Variants in ADIPOQ observed in about 807,000 individuals in gnomAD.
ADIPOQ encodes adiponectin, C1Q and collagen domain containing.
In ADIPOQ, 19 loss-of-function variants were observed where a neutral mutation model predicts 16.1. That is an observed-to-expected ratio of 1.18 (90% CI 0.82 to 1.73). The LOEUF (loss-of-function observed/expected upper bound fraction) is 1.73. Ranked by LOEUF, ADIPOQ falls within the 40% of genes most tolerant of loss-of-function variation. The pLI, the probability that ADIPOQ is intolerant of heterozygous loss-of-function variation, is 0.00. For synonymous variants in ADIPOQ, 124 were observed against 125.5 expected (o/e 0.99, Z 0.08); for missense variants, 323 against 308.3 (o/e 1.05, Z -0.36).
chr3:186,852,124 GA>G (rs1008228431), intron 1 of ADIPOQ: 5 of 152,326 alleles, frequency 3.3e-5, no homozygotes, highest in African/African-American at 9.7e-5. Context: ...AACAGCAAGG[GA>G]TAAGTCTGCC....
In ADIPOQ at chr3:186,854,256, G is replaced by C; in HGVS notation, c.287G>C (p.Gly96Ala). 1 of 1,613,798 alleles carries C rather than the reference G, an allele frequency of 6.2e-7. No homozygotes were observed. The highest frequency in any genetic ancestry group is 1.1e-5 in the South Asian group (1 of 91,082). ...GCTGAAGGTCCCCGAGGCTTTCCGG[G>C]AATCCAAGGCAGGAAAGGAGAACCT... ...PGAEGPRGFP[G>A]IQGRKGEPGE... Residue 96 changes from glycine to alanine, a missense_variant, in exon 3 of 3, where the codon GGA (glycine) becomes GCA (alanine). By Grantham distance (60) the Gly-to-Ala change is moderately conservative. Transcript: ENST00000320741.
At chr3:186,852,602 T>G in intron 1 of ADIPOQ, 1 of 178,968 alleles carries the variant, frequency 5.6e-6, no homozygotes. Context: ...ACACAGAAAA[T>G]GAGAGAGAAG....
At chr3:186,852,877 G>A (rs769801588) in intron 1 of ADIPOQ, 174 bp from the exon 2 acceptor site, 19 of 639,566 alleles carry the variant, frequency 3.0e-5, no homozygotes, top group Non-Finnish European at 4.7e-5. Flanking sequence ...AGGGCAGAAA[G>A]AGATCAAGGT....
At position 186,853,083 on chromosome 3, in the gene ADIPOQ, C is replaced by A; in HGVS notation, c.25C>A (p.Leu9Met). 6.2e-7 allele frequency: 1 copy of A among 1,614,072 alleles called. No individual in the cohort carries two copies. The highest frequency in any genetic ancestry group is 8.5e-7 in the Non-Finnish European group (1 of 1,179,960). ...GATGCTGTTGCTGGGAGCTGTTCTA[C>A]TGCTATTAGCTCTGCCCGGTCATGA... MLLLGAVL[L>M]LLALPGHDQE... The change falls in exon 2 of 3, where the codon CTG becomes ATG. Residue 9 changes from leucine to methionine, a missense_variant. By Grantham distance (15) the Leu-to-Met change is conservative. Transcript: ENST00000320741.
Position 186,857,513 on chromosome 3 carries a change from T to C in ADIPOQ, c.*2809T>C, listed in dbSNP as rs1712051236. On this transcript the variant is annotated 3_prime_UTR_variant, in exon 3 of 3. Transcript: ENST00000320741. ...CTATGCTCACAGTCTCACATCTGGT[T>C]GGGGTGGGCTCCTTACAGAACACGC... 6.6e-6 allele frequency: 1 copy of C among 152,150 alleles called. No homozygotes were observed. 9.4% of individuals were successfully genotyped at this position (152,150 alleles called of 1,614,324 possible).
At position 186,854,637 on chromosome 3, in the gene ADIPOQ, G is replaced by A. The variant is rs1711926375; in HGVS notation, c.668G>A (p.Gly223Glu). 1.2e-6 allele frequency: 2 copies of A among 1,614,036 alleles called. No individual in the cohort carries two copies. Among genetic ancestry groups the A allele is most frequent in the Non-Finnish European group, 1.7e-6 (2 of 1,180,048 alleles). The change falls in exon 3 of 3, where the codon GGA becomes GAA. Residue 223 changes from glycine to glutamate, a missense_variant. Coordinates refer to ENST00000320741, the MANE Select transcript of ADIPOQ (RefSeq NM_004797.4). ...LQVYGEGERN[G>E]LYADNDNDST... ...GTGTATGGGGAAGGAGAGCGTAATG[G>A]ACTCTATGCTGATAATGACAATGAC... is the stretch of plus-strand genomic sequence containing the variant.
At chr3:186,850,271 CA>C (rs71634014) in intron 1 of ADIPOQ, among the ~76,000 whole-genome samples, 5,099 of 88,694 alleles carry the variant, frequency 0.057, 172 homozygotes, top group African/African-American at 0.17. Flanking sequence ...TCCTCTCTCT[CA>C]AAAAAAAAAA....
chr3:186,848,977 G>A (rs1711660761), intron 1 of ADIPOQ, among the ~76,000 whole-genome samples: 1 of 152,186 alleles, frequency 6.6e-6, no homozygotes, highest in African/African-American at 2.4e-5. Context: ...CCGTGCCACT[G>A]TCATGGAACC....
intron 1 of ADIPOQ, 49 bp from the exon 2 acceptor site, chr3:186,853,002 T>G: frequency 1.9e-6 from 3 of 1,592,844 alleles, no homozygotes; most frequent in Non-Finnish European, 2.6e-6. Flanking sequence ...ACTGGGTGTG[T>G]GTGTGGGGTC....
chr3:186,847,408 T>C lies in ADIPOQ; in HGVS notation c.-9+4659T>C, dbSNP rs564725928. Among the ~76,000 whole-genome samples, 345 of 152,362 alleles carry C rather than the reference T, an allele frequency of 2.3e-3. 2 individuals carry two copies. Among genetic ancestry groups the C allele is most frequent in the Non-Finnish European group, 3.8e-3 (257 of 68,020 alleles). ...ATAGATCCCTTTGTTTTATAAAAAGTAACAAAATTTGTTATACAACAACTA... is the reference window on the plus strand; with the variant it reads ...ATAGATCCCTTTGTTTTATAAAAAGCAACAAAATTTGTTATACAACAACTA... On this transcript the variant is annotated intron_variant, in intron 1 of 2. Coordinates refer to ENST00000320741, the MANE Select transcript of ADIPOQ (RefSeq NM_004797.4).
At chr3:186,848,249 A>G (rs56293482) in intron 1 of ADIPOQ, among the ~76,000 whole-genome samples, 1,217 of 92,012 alleles carry the variant, frequency 0.013, 6 homozygotes, top group South Asian at 0.032. Flanking sequence ...AAGGAAGGAA[A>G]GAAGGAAGGA....
rs1329693348 is a variant in ADIPOQ, at chr3:186,852,730, GGA to G, written c.-8-319_-8-318del. ...ATGGATTCTTGGCAAGTCGACTCTT[GGA>G]GCTTTCCCTGTGCTTGGTCCTGTGC... On this transcript the variant is annotated intron_variant, in intron 1 of 2. Transcript: ENST00000320741. 13 of 302,432 alleles carry G rather than the reference GGA, an allele frequency of 4.3e-5. No homozygotes were observed. In the East Asian group the frequency reaches 5.7e-4, roughly 13 times the overall value. The allele number at this position is 302,432 out of a possible 1,614,324, so 18.7% of individuals were successfully genotyped here.
Position 186,854,181 on chromosome 3 carries a change from T to C in ADIPOQ, c.215-3T>C. The stretch of plus-strand genomic sequence containing the variant: ...TAGTCACTGAGGTCTTCTCATTCCT[T>C]AGGTCTTATTGGTCCTAAGGGAGAC... On this transcript the variant is annotated splice_region_variant and splice_polypyrimidine_tract_variant and intron_variant, in intron 2 of 2. Transcript: ENST00000320741. 1 of 1,612,668 alleles carries C rather than the reference T, an allele frequency of 6.2e-7. No individual in the cohort carries two copies. Among genetic ancestry groups the C allele is most frequent in the South Asian group, 1.1e-5 (1 of 90,884 alleles).
rs962135533 is a variant in ADIPOQ at position 186,856,680 on chromosome 3, G to C, written c.*1976G>C. On this transcript the variant is annotated 3_prime_UTR_variant, in exon 3 of 3. Transcript: ENST00000320741. Reference sequence around the variant, plus strand: ...TTGGCCAGGCTGGTCTCGAACTCCTGACCTTGTGATCTGCCCGCCTCCATT... The same window carrying C: ...TTGGCCAGGCTGGTCTCGAACTCCTCACCTTGTGATCTGCCCGCCTCCATT... 4 of 152,122 alleles carry C rather than the reference G, an allele frequency of 2.6e-5. No homozygotes were observed. The highest frequency in any genetic ancestry group is 7.2e-5 in the African/African-American group (3 of 41,420). 9.4% of individuals were successfully genotyped at this position (152,122 alleles called of 1,614,324 possible). A position where few individuals can be genotyped will look rare whatever the true frequency, so the allele number is the denominator to read the frequency against.
intron 1 of ADIPOQ, among the ~76,000 whole-genome samples, chr3:186,847,942 CG>C (rs1463136788): frequency 1.3e-5 from 2 of 152,008 alleles, no homozygotes; most frequent in African/African-American, 4.8e-5. Flanking sequence ...GAGGCCGAGG[CG>C]GGCGGATCAC....
intron 1 of ADIPOQ, among the ~76,000 whole-genome samples, chr3:186,849,880 T>G (rs749621096): frequency 1.2e-4 from 18 of 151,492 alleles, no homozygotes; most frequent in Non-Finnish European, 2.1e-4. Context: ...AGAGCTACAT[T>G]AAAAAGTGAA....
intron 1 of ADIPOQ, among the ~76,000 whole-genome samples, chr3:186,844,444 C>T (rs532907396): frequency 3.0e-4 from 44 of 148,316 alleles, no homozygotes; most frequent in East Asian, 7.9e-4. Flanking sequence ...TGCGCCTGGC[C>T]GAGGAGTCTT....
rs1711537957 is a variant in ADIPOQ, at chr3:186,844,744, C to G, written c.-9+1995C>G. Among the ~76,000 whole-genome samples the G allele has an allele frequency of 2.0e-5, 3 of 152,144 alleles. No individual in the cohort carries two copies. The South Asian group carries it at 6.2e-4, about 32-fold the overall frequency. ...AATTTTTTGTAGAGATGAGGTCTCA[C>G]TATATTGGCTGGGGGGCCTCAAACT... On this transcript the variant is annotated intron_variant, in intron 1 of 2. Coordinates refer to ENST00000320741, the MANE Select transcript of ADIPOQ (RefSeq NM_004797.4).
At chr3:186,850,178 G>A (rs1259885033) in intron 1 of ADIPOQ, among the ~76,000 whole-genome samples, 1 of 150,414 alleles carries the variant, frequency 6.6e-6, no homozygotes, top group Non-Finnish European at 1.5e-5. Context: ...GCTAAGGCAT[G>A]AGAATCGCTT....
Sources: allele counts gnomAD v4.1 joint callset (sites outside exome capture counted in the v4.1 genomes callset), GRCh38; gene constraint gnomAD v4.1.1; transcripts MANE v1.5; gene names NCBI Gene and HGNC (gene_info 2026-07-23, HGNC 2026-07-21).